Variants in FOCAD observed in about 807,000 individuals in gnomAD.
The protein encoded by FOCAD is KIAA1797.
FOCAD carries 198 observed loss-of-function variants against 225.6 expected under a neutral mutation model. That is an observed-to-expected ratio of 0.88 (90% CI 0.78 to 0.99). The LOEUF (loss-of-function observed/expected upper bound fraction) is 0.99, where lower values mean the gene tolerates loss of function less well. FOCAD is among the 50% of genes least tolerant of loss of function. The pLI is 0.00. For synonymous variants in FOCAD, 897 were observed against 755.0 expected, an observed-to-expected ratio of 1.19 and a Z score of -3.08; for missense variants, 2,713 against 2,123.6, an observed-to-expected ratio of 1.28 and a Z score of -5.46.
intron 40 of FOCAD, among the ~76,000 whole-genome samples, chr9:20,987,413 C>A (rs1841285522): frequency 6.6e-6 from 1 of 151,450 alleles, no homozygotes; most frequent in South Asian, 2.1e-4. Flanking sequence ...GAGGCTGAGG[C>A]AGGAGAATTG....
intron 8 of FOCAD, 39 bp from the exon 9 acceptor site, chr9:20,778,642 C>A: frequency 2.6e-6 from 3 of 1,157,790 alleles, no homozygotes; most frequent in Non-Finnish European, 2.6e-6. Context: ...ATTCTGGGAA[C>A]TTCTTTAACA....
chr9:20,856,229 T>C (rs1587412513), intron 15 of FOCAD, among the ~76,000 whole-genome samples: 1 of 151,958 alleles, frequency 6.6e-6, no homozygotes, highest in African/African-American at 2.4e-5. Context: ...TGTACGAGGG[T>C]TCCCCTTTCT....
chr9:20,895,540 C>T (rs1042707111), intron 21 of FOCAD, among the ~76,000 whole-genome samples: 6 of 151,562 alleles, frequency 4.0e-5, no homozygotes, highest in Non-Finnish European at 5.9e-5. Flanking sequence ...TATACACACA[C>T]ATATATATAT....
At chr9:20,846,053 A>G (rs958600049) in intron 15 of FOCAD, among the ~76,000 whole-genome samples, 1 of 152,108 alleles carries the variant, frequency 6.6e-6, no homozygotes, top group Non-Finnish European at 1.5e-5. Flanking sequence ...AGGAGTGCTC[A>G]GATATCTTCT....
chr9:20,928,007 C>G (rs1835120195), intron 26 of FOCAD: 2 of 150,744 alleles, frequency 1.3e-5, no homozygotes, highest in Admixed American at 1.3e-4. Context: ...ATAAATTTTG[C>G]TCAAAAAGTT....
At chr9:20,914,420 A>G (rs1833707070) in intron 23 of FOCAD, among the ~76,000 whole-genome samples, 2 of 152,182 alleles carry the variant, frequency 1.3e-5, no homozygotes, top group Admixed American at 1.3e-4. Flanking sequence ...AGTACGATAG[A>G]GGGAACAGAG....
chr9:20,960,503 T>A (rs556860393), intron 35 of FOCAD, among the ~76,000 whole-genome samples: 1 of 152,344 alleles, frequency 6.6e-6, no homozygotes, highest in African/African-American at 2.4e-5. Flanking sequence ...ACCGATTAGT[T>A]TTAGCATTCA....
chr9:20,906,438 ATCTT>A lies in FOCAD; in HGVS notation c.2626-706_2626-703del, dbSNP rs571859084. Among the ~76,000 whole-genome samples the A allele has an allele frequency of 1.6e-3, 250 of 152,098 alleles. 3 individuals carry two copies. The highest frequency in any genetic ancestry group is 5.8e-3 in the African/African-American group (239 of 41,526). On this transcript the variant is annotated intron_variant, in intron 21 of 43. Transcript: ENST00000338382. ...GCACTGTGACTGTTTTTCTTGATTGATCTTTCTTTAACAGAAGCAGACCTTGGGA... is the reference window on the plus strand; with the variant it reads ...GCACTGTGACTGTTTTTCTTGATTGATCTTTAACAGAAGCAGACCTTGGGA...
intron 1 of FOCAD, among the ~76,000 whole-genome samples, chr9:20,697,614 AAG>A (rs1263099010): frequency 1.3e-5 from 2 of 152,244 alleles, no homozygotes; most frequent in Admixed American, 6.5e-5. Context: ...CACTATCAGA[AAG>A]AGCTTTTTTT....
At chr9:20,936,830 CA>C (rs1210038165) in intron 28 of FOCAD, among the ~76,000 whole-genome samples, 3 of 152,208 alleles carry the variant, frequency 2.0e-5, no homozygotes, top group Admixed American at 2.0e-4. Context: ...TAGAAAACCC[CA>C]TCGTGTCAGC....
At position 20,860,579 on chromosome 9, in the gene FOCAD, C is replaced by G. The variant is rs144487919; in HGVS notation, c.1921-1999C>G. 2.7e-3 allele frequency among the ~76,000 whole-genome samples: 412 copies of G among 152,208 alleles called. 1 individual carries two copies. The highest frequency in any genetic ancestry group is 9.3e-3 in the African/African-American group (386 of 41,526). On this transcript the variant is annotated intron_variant, in intron 15 of 43. Coordinates refer to ENST00000338382, the MANE Select transcript of FOCAD (RefSeq NM_001375567.1). The stretch of plus-strand genomic sequence containing the variant: ...AGAGTCTCACTCTGTAGCCCAGGCT[C>G]GAGTGCAGAGGCGCTGTCCCAGCCC...
chr9:20,669,053 G>T (rs568490620), intron 2 of FOCAD, among the ~76,000 whole-genome samples: 10 of 152,258 alleles, frequency 6.6e-5, no homozygotes, highest in African/African-American at 2.4e-4. Flanking sequence ...GGAAGAGAAA[G>T]AATATTTATT....
At chr9:20,820,201 A>G in intron 12 of FOCAD, 123 bp from the exon 13 acceptor site, 1 of 660,696 alleles carries the variant, frequency 1.5e-6, no homozygotes. Context: ...AAGGTGGGTA[A>G]TATTGCAGCA....
intron 1 of FOCAD, among the ~76,000 whole-genome samples, chr9:20,699,589 T>C (rs1306666714): frequency 6.7e-6 from 1 of 149,850 alleles, no homozygotes; most frequent in South Asian, 2.1e-4. Flanking sequence ...AAAATACAGA[T>C]ACACTGGGCA....
chr9:20,669,409 A>T (rs1450151497), intron 2 of FOCAD, among the ~76,000 whole-genome samples: 3 of 152,216 alleles, frequency 2.0e-5, no homozygotes, highest in African/African-American at 7.2e-5. Flanking sequence ...ATAATTCAGG[A>T]TTCTTGGGCC....
chr9:20,734,646 T>A (rs1826986721), intron 4 of FOCAD, among the ~76,000 whole-genome samples: 1 of 151,530 alleles, frequency 6.6e-6, no homozygotes, highest in African/African-American at 2.4e-5. Flanking sequence ...TATAATATTG[T>A]CTTTTTTTTT....
At position 20,823,053 on chromosome 9, in the gene FOCAD, C is replaced by T; in HGVS notation, c.1858C>T (p.Pro620Ser). 2.5e-6 allele frequency: 4 copies of T among 1,609,746 alleles called. No individual in the cohort carries two copies. Among genetic ancestry groups the T allele is most frequent in the Non-Finnish European group, 3.4e-6 (4 of 1,178,130 alleles). Reference protein sequence around the residue: ...ISQVLNECTKPDQATPAALVL... With the variant: ...ISQVLNECTKSDQATPAALVL... ...TCAAGTGTTGAATGAATGCACCAAG[C>T]CTGATCAAGCTACTCCAGCAGCCTT... The change falls in exon 15 of 44, where the codon CCT (proline) becomes TCT (serine). Residue 620 changes from proline (P) to serine (S), a missense_variant. Transcript: ENST00000338382.
intron 1 of FOCAD, among the ~76,000 whole-genome samples, chr9:20,711,614 AT>A (rs1161818102): frequency 1.3e-5 from 2 of 152,198 alleles, no homozygotes; most frequent in Non-Finnish European, 2.9e-5. Context: ...AAGGAAGCCG[AT>A]TTTGTGGCTG....
intron 11 of FOCAD, among the ~76,000 whole-genome samples, chr9:20,797,989 T>C (rs1821323112): frequency 6.6e-6 from 1 of 152,222 alleles, no homozygotes; most frequent in African/African-American, 2.4e-5. Flanking sequence ...GGGTTTGTCA[T>C]AGATAGCTCT....
Sources: allele counts gnomAD v4.1 joint callset (sites outside exome capture counted in the v4.1 genomes callset), GRCh38; gene constraint gnomAD v4.1.1; transcripts MANE v1.5; gene names NCBI Gene and HGNC (gene_info 2026-07-23, HGNC 2026-07-21).